The following PRKN variants were observed in gnomAD, a reference collection of about 807,000 sequenced individuals.
PRKN encodes the protein E3 ubiquitin-protein ligase parkin.
In PRKN, 56 loss-of-function variants were observed where a neutral mutation model predicts 59.5. The observed-to-expected ratio is 0.94, with a 90% confidence interval of 0.76 to 1.18. PRKN has a LOEUF of 1.18. PRKN is among the 50% of genes most tolerant of loss of function. The pLI, the probability that PRKN is intolerant of heterozygous loss-of-function variation, is 0.00. For synonymous variants in PRKN, 250 were observed against 222.1 expected, an observed-to-expected ratio of 1.13 and a Z score of -1.12; for missense variants, 657 against 596.4, an observed-to-expected ratio of 1.10 and a Z score of -1.06.
In PRKN at chr6:161,497,350, C is replaced by G. The variant is rs1777791009; in HGVS notation, c.1083+51504G>C. Among the ~76,000 whole-genome samples the G allele has an allele frequency of 6.6e-6, 1 of 152,204 alleles. No individual in the cohort carries two copies. Among genetic ancestry groups the G allele is most frequent in the South Asian group, 2.1e-4 (1 of 4,828 alleles). The stretch of plus-strand genomic sequence containing the variant: ...GAAAGAGAGACATCATCATTCAGCT[C>G]TCACAGACATTCCTCCTTCAAAACA... On this transcript the variant is annotated intron_variant, in intron 9 of 11. Transcript: ENST00000366898. The surrounding 1 kb of genome is among the most constrained non-coding windows in gnomAD (Gnocchi z 4.6).
rs1386710733 is a variant in PRKN at position 161,423,591 on chromosome 6, T to C, written c.1084-36714A>G. Among the ~76,000 whole-genome samples, 1 of 152,174 alleles carries C rather than the reference T, an allele frequency of 6.6e-6. No homozygotes were observed. Among genetic ancestry groups the C allele is most frequent in the East Asian group, 1.9e-4 (1 of 5,188 alleles). The stretch of plus-strand genomic sequence containing the variant: ...GACATTTACAGATTTAGATGACTTG[T>C]CAATCCCAAGCTGGAATTCATAAAA... On this transcript the variant is annotated intron_variant, in intron 9 of 11. Coordinates refer to ENST00000366898, the MANE Select transcript of PRKN (RefSeq NM_004562.3). This position sits in a 1 kb window ranked among gnomAD's most constrained non-coding sequence, Gnocchi z 5.9.
chr6:161,867,740 C>CCTTTATTT (rs1554236154), intron 6 of PRKN, among the ~76,000 whole-genome samples: 7 of 137,536 alleles, frequency 5.1e-5, no homozygotes, highest in Non-Finnish European at 1.1e-4. Context: ...AAAAATCTTT[C>CCTTTATTT]ATTTATTTAT....
rs34955373 is a variant in PRKN, at chr6:161,438,215, ATT to A, written c.1084-51340_1084-51339del. Among the ~76,000 whole-genome samples the A allele has an allele frequency of 2.6e-3, 295 of 112,432 alleles. 1 individual carries two copies. Among genetic ancestry groups the A allele is most frequent in the African/African-American group, 9.8e-3 (271 of 27,746 alleles). The allele number at this position is 112,432 out of a possible 152,430, so 73.8% of individuals were successfully genotyped here. A position where few individuals can be genotyped will look rare whatever the true frequency, so the allele number is the denominator to read the frequency against. On this transcript the variant is annotated intron_variant, in intron 9 of 11. Transcript: ENST00000366898. ...TTCACTTACAGGGAGAATTCTGTTAATTTTTTTTTTTTTTTTTTTTTGAGACA... is the reference window on the plus strand; with the variant it reads ...TTCACTTACAGGGAGAATTCTGTTAATTTTTTTTTTTTTTTTTTTGAGACA...
At chr6:162,250,184 TAAGG>T (rs369491421) in intron 3 of PRKN, among the ~76,000 whole-genome samples, 1 of 141,782 alleles carries the variant, frequency 7.1e-6, no homozygotes, top group African/African-American at 2.7e-5. Flanking sequence ...TGATTATTTA[TAAGG>T]GGGGGGGCAG....
intron 1 of PRKN, among the ~76,000 whole-genome samples, chr6:162,533,164 A>C (rs769219194): frequency 6.6e-6 from 1 of 152,226 alleles, no homozygotes; most frequent in Non-Finnish European, 1.5e-5. Context: ...CAGTCTCTCA[A>C]GACTGAGCAC....
chr6:162,182,496 G>A (rs1783842303), intron 4 of PRKN, among the ~76,000 whole-genome samples: 1 of 152,166 alleles, frequency 6.6e-6, no homozygotes, highest in African/African-American at 2.4e-5. Context: ...ACATGGGACA[G>A]TGAAGAACCA....
chr6:162,263,520 A>G (rs1233019712), intron 2 of PRKN, among the ~76,000 whole-genome samples: 1 of 152,138 alleles, frequency 6.6e-6, no homozygotes, highest in African/African-American at 2.4e-5. Context: ...ACCAGCTAAC[A>G]TTTACGAAAA....
At chr6:161,880,336 A>G (rs1189583165) in intron 6 of PRKN, among the ~76,000 whole-genome samples, 1 of 152,198 alleles carries the variant, frequency 6.6e-6, no homozygotes, top group Non-Finnish European at 1.5e-5. Context: ...TCACATAATT[A>G]TATTTTGAAC....
intron 2 of PRKN, among the ~76,000 whole-genome samples, chr6:162,441,438 A>T (rs1294212764): frequency 6.6e-6 from 1 of 152,116 alleles, no homozygotes; most frequent in East Asian, 1.9e-4. Flanking sequence ...CCTCAACTCA[A>T]TTCATCCAAG....
At chr6:161,842,321 T>G (rs1318654183) in intron 6 of PRKN, among the ~76,000 whole-genome samples, 1 of 151,822 alleles carries the variant, frequency 6.6e-6, no homozygotes, top group African/African-American at 2.4e-5. Context: ...TCGTCTTTAC[T>G]AAAAATACAA....
chr6:162,450,958 G>A (rs543714784), intron 1 of PRKN, among the ~76,000 whole-genome samples: 1 of 152,124 alleles, frequency 6.6e-6, no homozygotes, highest in African/African-American at 2.4e-5. Context: ...TGGGTGTGGG[G>A]TACATGGGAA....
intron 3 of PRKN, among the ~76,000 whole-genome samples, chr6:162,244,874 C>T (rs185491726): frequency 1.3e-5 from 2 of 152,034 alleles, no homozygotes; most frequent in East Asian, 3.9e-4. Context: ...ACAGTTTGGC[C>T]AACAATTTCA....
At chr6:161,404,749 T>A (rs939382456) in intron 9 of PRKN, among the ~76,000 whole-genome samples, 1 of 152,234 alleles carries the variant, frequency 6.6e-6, no homozygotes, top group African/African-American at 2.4e-5. Context: ...GCATTTTCCA[T>A]GGGAAGGCTC....
At chr6:161,963,003 C>G (rs955716766) in intron 6 of PRKN, among the ~76,000 whole-genome samples, 1 of 152,056 alleles carries the variant, frequency 6.6e-6, no homozygotes, top group Non-Finnish European at 1.5e-5. Context: ...ACTTAGTGGG[C>G]ATGGTGGCAT....
intron 6 of PRKN, among the ~76,000 whole-genome samples, chr6:161,939,589 G>A (rs924515068): frequency 6.3e-4 from 96 of 151,250 alleles, no homozygotes; most frequent in Non-Finnish European, 8.8e-4. Context: ...AAAATTAGTC[G>A]GGTGTGGTGG....
rs1284292800 is a variant in PRKN, at chr6:161,487,672, AT to A, written c.1083+61181del. Among the ~76,000 whole-genome samples the A allele has an allele frequency of 2.6e-5, 4 of 152,196 alleles. No homozygotes were observed. The highest frequency in any genetic ancestry group is 5.9e-5 in the Non-Finnish European group (4 of 68,040). On this transcript the variant is annotated intron_variant, in intron 9 of 11. Transcript: ENST00000366898. The surrounding 1 kb of genome is among the most constrained non-coding windows in gnomAD (Gnocchi z 5.3). Reference sequence around the variant, plus strand: ...TACTGATATGATAATATGTGTATTCATGTAGGAGGTAGGGGTTGTGCCTTCT... The same window carrying A: ...TACTGATATGATAATATGTGTATTCAGTAGGAGGTAGGGGTTGTGCCTTCT...
chr6:161,836,199 T>C (rs1792747009), intron 6 of PRKN, among the ~76,000 whole-genome samples: 1 of 152,208 alleles, frequency 6.6e-6, no homozygotes, highest in Admixed American at 6.5e-5. Flanking sequence ...CTGGTCTCAA[T>C]GCAGTAGTAT....
chr6:162,535,823 G>A (rs559332064), intron 1 of PRKN, among the ~76,000 whole-genome samples: 122 of 151,604 alleles, frequency 8.0e-4, no homozygotes, highest in African/African-American at 2.9e-3. Context: ...TAGGAGGATT[G>A]CTTGAGCCTG....
At chr6:162,652,188 TTATATTTA>T (rs904073990) in intron 1 of PRKN, among the ~76,000 whole-genome samples, 67 of 152,304 alleles carry the variant, frequency 4.4e-4, no homozygotes, top group African/African-American at 1.5e-3. Context: ...CAGTTGATCT[TTATATTTA>T]GGGTCACCTC....
Sources: allele counts gnomAD v4.1 joint callset (sites outside exome capture counted in the v4.1 genomes callset), GRCh38; gene constraint gnomAD v4.1.1; non-coding constraint Gnocchi (gnomAD v3.1); transcripts MANE v1.5; gene names NCBI Gene and HGNC (gene_info 2026-07-23, HGNC 2026-07-21).